The following DCC variants were observed in gnomAD, a reference collection of about 807,000 sequenced individuals.
DCC encodes netrin receptor DCC.
In DCC, 58 loss-of-function variants were observed where a neutral mutation model predicts 172.5. That is an observed-to-expected ratio of 0.34 (90% confidence interval 0.27 to 0.42). The LOEUF (loss-of-function observed/expected upper bound fraction) is 0.42. Among genes scored for constraint, DCC ranks in the 10% least tolerant of loss-of-function variants. The pLI is 1.00. For synonymous variants in DCC, 709 were observed against 644.5 expected (o/e 1.10, Z -1.52); for missense variants, 1,740 against 1,791.0 (o/e 0.97, Z 0.51).
intron 2 of DCC, among the ~76,000 whole-genome samples, chr18:52,879,981 G>A (rs1336720608): frequency 6.6e-6 from 1 of 152,020 alleles, no homozygotes; most frequent in Admixed American, 6.6e-5. Flanking sequence ...TTATGTCATG[G>A]AAAATGGGAT....
At chr18:53,057,656 G>A (rs762331862) in intron 5 of DCC, among the ~76,000 whole-genome samples, 2 of 152,074 alleles carry the variant, frequency 1.3e-5, no homozygotes, top group Non-Finnish European at 2.9e-5. Flanking sequence ...TTGTACATGT[G>A]TATGAAGCTT....
intron 15 of DCC, among the ~76,000 whole-genome samples, chr18:53,344,923 G>A (rs1487984200): frequency 5.4e-5 from 8 of 149,348 alleles, no homozygotes; most frequent in African/African-American, 2.0e-4. Context: ...AAAGAAATAT[G>A]TCTTATAAGA....
chr18:52,385,615 A>C (rs1985766644), intron 1 of DCC, among the ~76,000 whole-genome samples: 1 of 151,964 alleles, frequency 6.6e-6, no homozygotes, highest in Non-Finnish European at 1.5e-5. Flanking sequence ...AAGTGATTCT[A>C]TATAACCAAT....
At chr18:53,102,396 T>C (rs1311455140) in intron 7 of DCC, among the ~76,000 whole-genome samples, 1 of 152,144 alleles carries the variant, frequency 6.6e-6, no homozygotes, top group Non-Finnish European at 1.5e-5. Flanking sequence ...CCGTGTGTTT[T>C]TATTCTTTTG....
chr18:53,052,584 G>A (rs533441142), intron 5 of DCC, among the ~76,000 whole-genome samples: 1 of 152,192 alleles, frequency 6.6e-6, no homozygotes, highest in East Asian at 1.9e-4. Flanking sequence ...GCTCCAGTTT[G>A]AAGTCTGGAT....
intron 20 of DCC, 63 bp from the exon 21 acceptor site, chr18:53,416,059 GAT>G: frequency 8.4e-7 from 1 of 1,196,756 alleles, no homozygotes; most frequent in South Asian, 1.2e-5. Flanking sequence ...CTGTTGGTTT[GAT>G]ATGTCAGCTT....
chr18:52,792,511 C>T (rs1484220989), intron 2 of DCC, among the ~76,000 whole-genome samples: 2 of 152,182 alleles, frequency 1.3e-5, no homozygotes, highest in African/African-American at 4.8e-5. Flanking sequence ...TGCCCCAGGA[C>T]TTCTTCCAGC....
chr18:53,395,075 G>T (rs184042535), intron 17 of DCC, among the ~76,000 whole-genome samples: 3 of 151,348 alleles, frequency 2.0e-5, no homozygotes, highest in African/African-American at 7.3e-5. Context: ...ACTTGAACCC[G>T]AGAGGCTGAG....
chr18:52,477,173 T>C (rs747639473), intron 1 of DCC, among the ~76,000 whole-genome samples: 39 of 152,120 alleles, frequency 2.6e-4, no homozygotes, highest in Non-Finnish European at 4.3e-4. Context: ...GATGGCTTGA[T>C]TTATGTATCA....
intron 2 of DCC, among the ~76,000 whole-genome samples, chr18:52,768,421 G>A (rs73955905): frequency 0.019 from 2,901 of 152,232 alleles, 114 homozygotes; most frequent in African/African-American, 0.066. Context: ...ACACAGGTCA[G>A]GGCTGCTGAT....
chr18:52,373,389 C>A (rs1223719749), intron 1 of DCC, among the ~76,000 whole-genome samples: 1 of 152,150 alleles, frequency 6.6e-6, no homozygotes, highest in Admixed American at 6.5e-5. Context: ...GCCCACAAAT[C>A]AGCAATTTTT....
chr18:52,711,557 A>C (rs2036292575), intron 1 of DCC, among the ~76,000 whole-genome samples: 1 of 152,212 alleles, frequency 6.6e-6, no homozygotes, highest in Non-Finnish European at 1.5e-5. Context: ...TTTGTTCTTG[A>C]CTTGCCAAGG....
Position 53,190,456 on chromosome 18 carries a change from CTCTGTGTGTGTGTG to C in DCC, c.1573+11342_1573+11355del, listed in dbSNP as rs1398786669. Among the ~76,000 whole-genome samples the C allele has an allele frequency of 5.2e-5, 5 of 95,540 alleles. No individual in the cohort carries two copies. In the East Asian group the frequency reaches 1.7e-3, roughly 32 times the overall value. The allele number at this position is 95,540 out of a possible 152,430, so 62.7% of individuals were successfully genotyped here. On this transcript the variant is annotated intron_variant, in intron 9 of 28. Coordinates refer to ENST00000442544, the MANE Select transcript of DCC (RefSeq NM_005215.4). ...CATAATATTCCTACTACACTGCTAA[CTCTGTGTGTGTGTG>C]TGTGTGTGTGTGTGTGTGTGTGTGT... is the stretch of plus-strand genomic sequence containing the variant.
chr18:52,572,554 G>T (rs1405421036), intron 1 of DCC, among the ~76,000 whole-genome samples: 1 of 152,182 alleles, frequency 6.6e-6, no homozygotes, highest in African/African-American at 2.4e-5. Context: ...TGGAGTCCAG[G>T]CACCTGCAGT....
At chr18:52,705,724 G>T (rs146087725) in intron 1 of DCC, among the ~76,000 whole-genome samples, 178 of 152,294 alleles carry the variant, frequency 1.2e-3, no homozygotes, top group African/African-American at 4.2e-3. Flanking sequence ...TGAGTGGTCT[G>T]CATAAGCCAC....
intron 20 of DCC, among the ~76,000 whole-genome samples, chr18:53,413,709 G>A (rs1910129313): frequency 6.6e-6 from 1 of 152,194 alleles, no homozygotes; most frequent in South Asian, 2.1e-4. Context: ...TGGAGATAAG[G>A]GTGGTAGTCT....
At chr18:52,775,367 A>C (rs75368394) in intron 2 of DCC, among the ~76,000 whole-genome samples, 13,246 of 152,202 alleles carry the variant, frequency 0.087, 662 homozygotes, top group South Asian at 0.18. Flanking sequence ...TGTCTACCGG[A>C]GGCTTGTGTT....
intron 7 of DCC, among the ~76,000 whole-genome samples, chr18:53,125,275 C>T (rs1258017607): frequency 6.6e-6 from 1 of 151,846 alleles, no homozygotes; most frequent in Non-Finnish European, 1.5e-5. Context: ...CAAAATAGTA[C>T]CTTTCTTTTT....
At chr18:53,211,923 C>T (rs1211724911) in intron 11 of DCC, among the ~76,000 whole-genome samples, 1 of 151,894 alleles carries the variant, frequency 6.6e-6, no homozygotes, top group East Asian at 1.9e-4. Flanking sequence ...TGGTGCACAC[C>T]TGTTACCCCA....
Sources: gnomAD v4.1 joint callset for allele counts (sites outside exome capture counted in the v4.1 genomes callset) on GRCh38, gnomAD v4.1.1 for gene constraint, MANE v1.5 for transcripts, NCBI Gene and HGNC (gene_info 2026-07-23, HGNC 2026-07-21) for gene names.